Variants in KIF13A observed in about 807,000 individuals in gnomAD.
KIF13A encodes the protein kinesin family member 13A, also known as kinesin-like protein KIF13A.
KIF13A carries 79 observed loss-of-function variants against 212.2 expected under a neutral mutation model. The observed-to-expected ratio is 0.37, with a 90% confidence interval of 0.31 to 0.45. The LOEUF (loss-of-function observed/expected upper bound fraction) is 0.45, where lower values mean the gene tolerates loss of function less well. KIF13A is among the 20% of genes least tolerant of loss of function. The probability of loss-of-function intolerance (pLI) is 1.00; values close to 1 mark genes in which losing one functional copy is unlikely to be tolerated. For synonymous variants in KIF13A, 789 were observed against 808.6 expected (o/e 0.98, Z 0.41); for missense variants, 1,901 against 2,209.0 (o/e 0.86, Z 2.79).
chr6:17,965,815 T>C (rs1779252382), intron 2 of KIF13A, among the ~76,000 whole-genome samples: 1 of 152,256 alleles, frequency 6.6e-6, no homozygotes, highest in African/African-American at 2.4e-5. Flanking sequence ...AATTATTTGC[T>C]TGTAAAATTA....
At chr6:17,894,045 A>G (rs1184912180) in intron 3 of KIF13A, among the ~76,000 whole-genome samples, 5 of 151,710 alleles carry the variant, frequency 3.3e-5, no homozygotes, top group African/African-American at 1.2e-4. Context: ...TCACTGTGTT[A>G]GCCAGGCTGG....
chr6:17,870,477 T>C (rs1769898857), intron 4 of KIF13A, among the ~76,000 whole-genome samples: 1 of 151,862 alleles, frequency 6.6e-6, no homozygotes, highest in South Asian at 2.1e-4. Flanking sequence ...TTGTTGCACA[T>C]CCAGGCACAT....
chr6:17,976,801 C>G (rs78405735), intron 2 of KIF13A, among the ~76,000 whole-genome samples: 5 of 98,728 alleles, frequency 5.1e-5, no homozygotes, highest in African/African-American at 1.8e-4. Flanking sequence ...GACTCCATCT[C>G]AAAAAAAAAA....
At position 17,796,674 on chromosome 6, in the gene KIF13A, A is replaced by C; in HGVS notation, c.2937T>G (p.His979Gln). 2 of 1,537,164 alleles carry C rather than the reference A, an allele frequency of 1.3e-6. No homozygotes were observed. Residue 979 changes from histidine to glutamine, a missense_variant, in exon 23 of 39, where the codon CAT (histidine) becomes CAG (glutamine). This residue lies in a region of KIF13A where 534 missense variants were observed against 536.9 expected (regional missense o/e 0.99). Transcript: ENST00000259711. ...GCTCACAGCCAAGTACAAACCTGTC[A>C]TGCAGTGTTCTTGTCTTAGCATGAA... ...DSLHAKTRTL[H>Q]DRWNEVTRRI...
In KIF13A at chr6:17,919,720, G is replaced by A. The variant is rs1382988197; in HGVS notation, c.147-21540C>T. ...AGGGCTGTGAGACAGGGTGGCAGCC[G>A]AACGGTGTCTCCTGGCAGCCCAATA... is the stretch of plus-strand genomic sequence containing the variant. On this transcript the variant is annotated intron_variant, in intron 2 of 38. Transcript: ENST00000259711. This position sits in a 1 kb window ranked among gnomAD's most constrained non-coding sequence, Gnocchi z 4.1. 6.6e-6 allele frequency among the ~76,000 whole-genome samples: 1 copy of A among 152,132 alleles called. No individual in the cohort carries two copies. Among genetic ancestry groups the A allele is most frequent in the Admixed American group, 6.5e-5 (1 of 15,284 alleles).
chr6:17,887,177 T>C (rs186484884), intron 3 of KIF13A, among the ~76,000 whole-genome samples: 13 of 152,278 alleles, frequency 8.5e-5, no homozygotes, highest in African/African-American at 2.4e-4. Flanking sequence ...CAGTTCTCTT[T>C]CTTTGTTCCC....
chr6:17,986,911 G>C, intron 2 of KIF13A, 143 bp downstream of exon 2: 1 of 608,336 alleles, frequency 1.6e-6, no homozygotes, highest in East Asian at 3.1e-5. Flanking sequence ...ACTTGGACTT[G>C]CAACAGCTTC....
At position 17,951,359 on chromosome 6, in the gene KIF13A, C is replaced by A; in HGVS notation, c.146+35695G>T. On this transcript the variant is annotated intron_variant, in intron 2 of 38. Transcript: ENST00000259711. This position sits in a 1 kb window ranked among gnomAD's most constrained non-coding sequence, Gnocchi z 4.9. ...TTGCAAAGGCTGGTCTTGAAATCCT[C>A]GGCTCAAGTGATCCTCTTGCCTTGG... 1.6e-6 allele frequency: 1 copy of A among 643,666 alleles called. No individual in the cohort carries two copies. Among genetic ancestry groups the A allele is most frequent in the South Asian group, 1.7e-5 (1 of 59,678 alleles). The allele number at this position is 643,666 out of a possible 1,614,324, so 39.9% of individuals were successfully genotyped here.
rs191564313 is a variant in KIF13A at position 17,892,413 on chromosome 6, C to A, written c.159+5755G>T. On this transcript the variant is annotated intron_variant, in intron 3 of 38. Coordinates refer to ENST00000259711, the MANE Select transcript of KIF13A (RefSeq NM_022113.6). The surrounding 1 kb of genome is among the most constrained non-coding windows in gnomAD (Gnocchi z 4.7). ...GCCTCCCTACTGATCAAGCTTTGTT[C>A]AAAACAGGCAATAGAGACACTGAAG... Among the ~76,000 whole-genome samples, 2 of 152,134 alleles carry A rather than the reference C, an allele frequency of 1.3e-5. No homozygotes were observed. Among genetic ancestry groups the A allele is most frequent in the Non-Finnish European group, 2.9e-5 (2 of 68,032 alleles).
chr6:17,826,196 A>G lies in KIF13A; in HGVS notation c.1533-72T>C. ...AGACCTTGTCCTGGTAGCCAAAGAGATAACTAGGGGAGCTTTCTCTTAATA... is the reference window on the plus strand; with the variant it reads ...AGACCTTGTCCTGGTAGCCAAAGAGGTAACTAGGGGAGCTTTCTCTTAATA... On this transcript the variant is annotated intron_variant, in intron 14 of 38. Transcript: ENST00000259711. The surrounding 1 kb of genome is among the most constrained non-coding windows in gnomAD (Gnocchi z 4.7). 1 of 1,118,972 alleles carries G rather than the reference A, an allele frequency of 8.9e-7. No individual in the cohort carries two copies. The highest frequency in any genetic ancestry group is 1.3e-6 in the Non-Finnish European group (1 of 744,148). 69.3% of individuals were successfully genotyped at this position (1,118,972 alleles called of 1,614,324 possible). A position where few individuals can be genotyped will look rare whatever the true frequency, so the allele number is the denominator to read the frequency against.
chr6:17,849,485 G>T lies in KIF13A; in HGVS notation c.722C>A (p.Ser241Tyr), dbSNP rs1302679311. 2.5e-6 allele frequency: 4 copies of T among 1,611,764 alleles called. No individual in the cohort carries two copies. In the African/African-American group the frequency reaches 5.3e-5, roughly 22 times the overall value. ...QTLYDLQSGN[S>Y]GEKVSKVSLV... ...GCTGACCTTACTGACTTTCTCCCCG[G>T]AATTCTAGTTATAGGAAACGAGAGA... is the stretch of plus-strand genomic sequence containing the variant. The change falls in exon 9 of 39, where the codon TCC becomes TAC. Residue 241 changes from serine (S) to tyrosine (Y), a missense_variant. Ser to Tyr is a moderately radical substitution (Grantham distance 144). Coordinates refer to ENST00000259711, the MANE Select transcript of KIF13A (RefSeq NM_022113.6). This position sits in a 1 kb window ranked among gnomAD's most constrained non-coding sequence, Gnocchi z 5.7.
chr6:17,918,559 A>C lies in KIF13A; in HGVS notation c.147-20379T>G, dbSNP rs1262739789. Among the ~76,000 whole-genome samples the C allele has an allele frequency of 6.6e-6, 1 of 152,154 alleles. No individual in the cohort carries two copies. Among genetic ancestry groups the C allele is most frequent in the Non-Finnish European group, 1.5e-5 (1 of 68,018 alleles). On this transcript the variant is annotated intron_variant, in intron 2 of 38. Transcript: ENST00000259711. This position sits in a 1 kb window ranked among gnomAD's most constrained non-coding sequence, Gnocchi z 4.8. Reference sequence around the variant, plus strand: ...GTATCAAGTGGGGAAGCTAATTCCCACTTCTGGGTCTCAGCAGGTATGTGT... The same window carrying C: ...GTATCAAGTGGGGAAGCTAATTCCCCCTTCTGGGTCTCAGCAGGTATGTGT...
At position 17,855,404 on chromosome 6, in the gene KIF13A, T is replaced by C. The variant is rs916232839; in HGVS notation, c.494+33A>G. 1.3e-6 allele frequency: 2 copies of C among 1,497,976 alleles called. No individual in the cohort carries two copies. Among genetic ancestry groups the C allele is most frequent in the Non-Finnish European group, 1.8e-6 (2 of 1,097,166 alleles). 92.8% of individuals were successfully genotyped at this position (1,497,976 alleles called of 1,614,324 possible). ...AGAATCATTTAAAATTATCTCCCCCTATTAACACACTTAATCTTGACCACT... is the reference window on the plus strand; with the variant it reads ...AGAATCATTTAAAATTATCTCCCCCCATTAACACACTTAATCTTGACCACT... On this transcript the variant is annotated intron_variant, in intron 6 of 38. Transcript: ENST00000259711. The surrounding 1 kb of genome is among the most constrained non-coding windows in gnomAD (Gnocchi z 4.1).
Position 17,907,892 on chromosome 6 carries a change from T to C in KIF13A, c.147-9712A>G, listed in dbSNP as rs561439201. 2.6e-5 allele frequency among the ~76,000 whole-genome samples: 4 copies of C among 152,218 alleles called. No individual in the cohort carries two copies. In the South Asian group the frequency reaches 6.2e-4, roughly 24 times the overall value. On this transcript the variant is annotated intron_variant, in intron 2 of 38. Transcript: ENST00000259711. Reference sequence around the variant, plus strand: ...AAATTGCCACAGATGGTTTGCGCAATGGGAATGACATGGCCAGATCTGTTT... The same window carrying C: ...AAATTGCCACAGATGGTTTGCGCAACGGGAATGACATGGCCAGATCTGTTT...
rs565037541 is a variant in KIF13A, at chr6:17,831,048, C to T, written c.1401+53G>A. ...AGAGACAGGCACCCAGATTCAACTA[C>T]GAACTGTATAGGAATGAATCTTGAT... On this transcript the variant is annotated intron_variant, in intron 13 of 38. Transcript: ENST00000259711. 3.3e-5 allele frequency: 51 copies of T among 1,527,256 alleles called. No homozygotes were observed. In the East Asian group the frequency reaches 4.3e-4, roughly 13 times the overall value. 94.6% of individuals were successfully genotyped at this position (1,527,256 alleles called of 1,614,324 possible).
At chr6:17,960,635 G>C (rs1457990922) in intron 2 of KIF13A, among the ~76,000 whole-genome samples, 1 of 152,152 alleles carries the variant, frequency 6.6e-6, no homozygotes, top group Non-Finnish European at 1.5e-5. Context: ...TATATCGAGA[G>C]CATCATCTCT....
At position 17,912,068 on chromosome 6, in the gene KIF13A, A is replaced by T. The variant is rs1774123603; in HGVS notation, c.147-13888T>A. On this transcript the variant is annotated intron_variant, in intron 2 of 38. Coordinates refer to ENST00000259711, the MANE Select transcript of KIF13A (RefSeq NM_022113.6). The surrounding 1 kb of genome is among the most constrained non-coding windows in gnomAD (Gnocchi z 4.2). ...CATGAGGCACCGGCCATCAATAATA[A>T]TTTAACTGTACATTTAAAAATAACT... Among the ~76,000 whole-genome samples the T allele has an allele frequency of 6.6e-6, 1 of 152,220 alleles. No homozygotes were observed. Among genetic ancestry groups the T allele is most frequent in the Non-Finnish European group, 1.5e-5 (1 of 68,036 alleles).
Position 17,799,326 on chromosome 6 carries a change from G to A in KIF13A, c.2730C>T (p.Pro910=), listed in dbSNP as rs376400471. The change falls in exon 22 of 39, where the codon CCC becomes CCT. Residue 910 remains proline, a synonymous_variant. Transcript: ENST00000259711. The surrounding 1 kb of genome is among the most constrained non-coding windows in gnomAD (Gnocchi z 4.4). ...CCTTGGACTGTGGTGAAGGCACCTCGGGGTCCACCACCGGGGCAGCCACCG... is the reference window on the plus strand; with the variant it reads ...CCTTGGACTGTGGTGAAGGCACCTCAGGGTCCACCACCGGGGCAGCCACCG... ...ESTVAAPVVD[P]EVPSPQSKDA... The A allele has an allele frequency of 5.0e-6, 8 of 1,613,246 alleles. No individual in the cohort carries two copies. Among genetic ancestry groups the A allele is most frequent in the African/African-American group, 1.3e-5 (1 of 74,984 alleles).
rs1192398642 is a variant in KIF13A at position 17,926,764 on chromosome 6, T to C, written c.147-28584A>G. On this transcript the variant is annotated intron_variant, in intron 2 of 38. Transcript: ENST00000259711. The surrounding 1 kb of genome is among the most constrained non-coding windows in gnomAD (Gnocchi z 4.3). ...AGGATATATTCAGATGATAAACAAC[T>C]TGTAGCTACTATCTGAAAGTAGTTC... is the stretch of plus-strand genomic sequence containing the variant. 6.6e-6 allele frequency among the ~76,000 whole-genome samples: 1 copy of C among 152,202 alleles called. No homozygotes were observed. The highest frequency in any genetic ancestry group is 1.5e-5 in the Non-Finnish European group (1 of 68,032).
Sources: gnomAD v4.1 joint callset for allele counts (sites outside exome capture counted in the v4.1 genomes callset) on GRCh38, gnomAD v4.1.1 for gene constraint, gnomAD v4.1.1 regional missense constraint, Gnocchi (gnomAD v3.1) non-coding constraint, MANE v1.5 for transcripts, NCBI Gene and HGNC (gene_info 2026-07-23, HGNC 2026-07-21) for gene names.